The following TNR variants were observed in gnomAD, a reference collection of about 807,000 sequenced individuals.
The protein encoded by TNR is tenascin-R.
Under a neutral mutation model 150.4 loss-of-function variants are expected in TNR, and 45 were observed. That is an observed-to-expected ratio of 0.30 (90% CI 0.24 to 0.38). The LOEUF is 0.38. TNR is among the 10% of genes least tolerant of loss of function. The pLI, the probability that TNR is intolerant of heterozygous loss-of-function variation, is 1.00. For synonymous variants in TNR, 687 were observed against 678.4 expected, an observed-to-expected ratio of 1.01 and a Z score of -0.20; for missense variants, 1,544 against 1,759.1, an observed-to-expected ratio of 0.88 and a Z score of 2.19.
intron 1 of TNR, among the ~76,000 whole-genome samples, chr1:175,636,792 G>T (rs1345517580): frequency 6.6e-6 from 1 of 152,186 alleles, no homozygotes; most frequent in Non-Finnish European, 1.5e-5. Context: ...CATGTTTGGT[G>T]GTTGTAGGTC....
chr1:175,674,640 G>A (rs1558066865), intron 1 of TNR, among the ~76,000 whole-genome samples: 1 of 152,110 alleles, frequency 6.6e-6, no homozygotes, highest in African/African-American at 2.4e-5. Context: ...GACAGTCCTG[G>A]GCCATCTAGA....
At chr1:175,691,809 G>T (rs964243120) in intron 1 of TNR, among the ~76,000 whole-genome samples, 6 of 152,042 alleles carry the variant, frequency 3.9e-5, no homozygotes, top group Non-Finnish European at 8.8e-5. Context: ...TCTCTCCCTA[G>T]CTGCCAAAAC....
chr1:175,456,172 C>A (rs556574360), intron 2 of TNR, among the ~76,000 whole-genome samples: 1 of 152,312 alleles, frequency 6.6e-6, no homozygotes, highest in East Asian at 1.9e-4. Flanking sequence ...CCCAGCCCCT[C>A]TGTACCTCCA....
At chr1:175,637,845 T>C (rs1664534566) in intron 1 of TNR, among the ~76,000 whole-genome samples, 1 of 152,192 alleles carries the variant, frequency 6.6e-6, no homozygotes, top group Non-Finnish European at 1.5e-5. Flanking sequence ...TCAGACTTCT[T>C]ATCTGTACAT....
intron 13 of TNR, 68 bp downstream of exon 13, chr1:175,363,640 A>G: frequency 6.4e-7 from 1 of 1,564,562 alleles, no homozygotes; most frequent in Non-Finnish European, 8.7e-7. Context: ...GTTCTGCGGG[A>G]TATGCTAGTT....
chr1:175,370,110 C>T (rs1392121218), intron 9 of TNR, among the ~76,000 whole-genome samples: 1 of 152,160 alleles, frequency 6.6e-6, no homozygotes, highest in African/African-American at 2.4e-5. Context: ...ACTTTGACGT[C>T]TGACATATCT....
intron 1 of TNR, among the ~76,000 whole-genome samples, chr1:175,688,141 C>G (rs149586831): frequency 6.6e-6 from 1 of 152,298 alleles, no homozygotes; most frequent in East Asian, 1.9e-4. Context: ...TAACTAGGGC[C>G]CTGGATGCCT....
chr1:175,510,263 G>A (rs1215375174), intron 2 of TNR, among the ~76,000 whole-genome samples: 2 of 151,970 alleles, frequency 1.3e-5, no homozygotes, highest in Non-Finnish European at 2.9e-5. Context: ...TGTATTTAAG[G>A]GTTTTCCTCT....
chr1:175,487,672 T>C (rs1389663307), intron 2 of TNR, among the ~76,000 whole-genome samples: 1 of 152,136 alleles, frequency 6.6e-6, no homozygotes. Context: ...TCCTCATGGC[T>C]CAACCTCATC....
At chr1:175,719,427 A>C (rs1235206107) in intron 1 of TNR, among the ~76,000 whole-genome samples, 1 of 152,210 alleles carries the variant, frequency 6.6e-6, no homozygotes, top group African/African-American at 2.4e-5. Context: ...TCTTGACTGC[A>C]GAGTTTTGAG....
At chr1:175,676,165 T>C (rs1665860021) in intron 1 of TNR, among the ~76,000 whole-genome samples, 1 of 152,162 alleles carries the variant, frequency 6.6e-6, no homozygotes. Flanking sequence ...GCAAGAAAGC[T>C]GCGATTTAAC....
intron 2 of TNR, among the ~76,000 whole-genome samples, chr1:175,526,551 G>A (rs1427187745): frequency 6.6e-6 from 1 of 152,202 alleles, no homozygotes; most frequent in Non-Finnish European, 1.5e-5. Flanking sequence ...CCTGTCTGCA[G>A]TACAGAACAG....
At chr1:175,659,721 C>T (rs982339742) in intron 1 of TNR, among the ~76,000 whole-genome samples, 1 of 152,086 alleles carries the variant, frequency 6.6e-6, no homozygotes, top group Admixed American at 6.5e-5. Context: ...ATTCTGTGGG[C>T]CAAAGGAGCT....
intron 4 of TNR, among the ~76,000 whole-genome samples, chr1:175,400,077 G>A (rs1653627012): frequency 6.6e-6 from 1 of 152,146 alleles, no homozygotes; most frequent in Admixed American, 6.5e-5. Context: ...GGGAGTTTTG[G>A]CCAGCTCCCT....
At chr1:175,531,923 A>G (rs1660084893) in intron 1 of TNR, among the ~76,000 whole-genome samples, 1 of 152,220 alleles carries the variant, frequency 6.6e-6, no homozygotes. Context: ...GGACAGTCCA[A>G]AAAGTGCAGC....
At chr1:175,667,272 T>C (rs558294397) in intron 1 of TNR, among the ~76,000 whole-genome samples, 1 of 152,336 alleles carries the variant, frequency 6.6e-6, no homozygotes, top group Non-Finnish European at 1.5e-5. Context: ...TGGCAGTTCA[T>C]TGTGGATAGC....
intron 1 of TNR, among the ~76,000 whole-genome samples, chr1:175,581,240 T>C (rs1662337195): frequency 6.6e-6 from 1 of 152,158 alleles, no homozygotes; most frequent in African/African-American, 2.4e-5. Context: ...CCCAGTGTCT[T>C]TTCCTCCAGA....
Position 175,316,589 on chromosome 1 carries a change from T to G in TNR, c.*6768A>C, listed in dbSNP as rs569894288. ...ACATGTGCCATGTTTATTCTGTGGC[T>G]TCTCCTTCCTCAATCCTGGCTACAC... On this transcript the variant is annotated 3_prime_UTR_variant, in exon 23 of 23. Coordinates refer to ENST00000367674, the MANE Select transcript of TNR (RefSeq NM_003285.3). 4 of 152,080 alleles carry G rather than the reference T, an allele frequency of 2.6e-5. No individual in the cohort carries two copies. Among genetic ancestry groups the G allele is most frequent in the Non-Finnish European group, 5.9e-5 (4 of 68,030 alleles). The allele number at this position is 152,080 out of a possible 1,614,324, so 9.4% of individuals were successfully genotyped here.
At chr1:175,344,025 T>C (rs543535692) in intron 18 of TNR, among the ~76,000 whole-genome samples, 1 of 152,290 alleles carries the variant, frequency 6.6e-6, no homozygotes, top group Non-Finnish European at 1.5e-5. Context: ...AAGCAGGGAT[T>C]TATTAAAGCA....
Sources: allele counts gnomAD v4.1 joint callset (sites outside exome capture counted in the v4.1 genomes callset), GRCh38; gene constraint gnomAD v4.1.1; transcripts MANE v1.5; gene names NCBI Gene and HGNC (gene_info 2026-07-23, HGNC 2026-07-21).